KIF20B: variants seen among roughly 807,000 people sequenced by gnomAD.
KIF20B encodes the protein kinesin family member 20B.
Under a neutral mutation model 232.5 loss-of-function variants are expected in KIF20B, and 188 were observed. The observed-to-expected ratio is 0.81, with a 90% CI of 0.72 to 0.91. The LOEUF (loss-of-function observed/expected upper bound fraction) is 0.91, where lower values mean the gene tolerates loss of function less well. KIF20B is among the 40% of genes least tolerant of loss of function. The pLI is 0.00. For synonymous variants in KIF20B, 712 were observed against 683.0 expected, an observed-to-expected ratio of 1.04 and a Z score of -0.66; for missense variants, 2,154 against 2,055.9, an observed-to-expected ratio of 1.05 and a Z score of -0.92.
intron 30 of KIF20B, 63 bp downstream of exon 30, chr10:89,768,454 T>C: frequency 1.0e-6 from 1 of 1,003,320 alleles, no homozygotes; most frequent in Non-Finnish European, 1.5e-6. Flanking sequence ...TGTTCAATTA[T>C]AACTCATTTA....
In KIF20B at chr10:89,747,407, A is replaced by T. The variant is rs1194588348; in HGVS notation, c.4096+1448A>T. 2.0e-5 allele frequency among the ~76,000 whole-genome samples: 3 copies of T among 152,042 alleles called. No homozygotes were observed. In the East Asian group the frequency reaches 5.8e-4, roughly 29 times the overall value. On this transcript the variant is annotated intron_variant, in intron 23 of 32. Transcript: ENST00000371728. ...CTGGGTGTATACCCAAAGGACTATA[A>T]ATCATGCTGCTATAAAGACACATGC...
At chr10:89,722,773 G>A (rs1843093655) in intron 13 of KIF20B, among the ~76,000 whole-genome samples, 2 of 152,226 alleles carry the variant, frequency 1.3e-5, no homozygotes, top group South Asian at 4.1e-4. Context: ...CAGAAAGTAT[G>A]TAGTTTAAAA....
intron 29 of KIF20B, among the ~76,000 whole-genome samples, chr10:89,767,394 A>T (rs1270654110): frequency 6.9e-6 from 1 of 144,052 alleles, no homozygotes; most frequent in Non-Finnish European, 1.5e-5. Context: ...CTCCTTACTG[A>T]CCACTATGTG....
rs376238817 is a variant in KIF20B at position 89,747,695 on chromosome 10, A to G, written c.4096+1736A>G. On this transcript the variant is annotated intron_variant, in intron 23 of 32. Transcript: ENST00000371728. ...GGTGGGAATTGAACAATGAGAGCAC[A>G]TGGACACAGGAAGGGGAACATCACA... Among the ~76,000 whole-genome samples the G allele has an allele frequency of 3.1e-3, 467 of 150,060 alleles. 4 individuals are homozygous for G. The highest frequency in any genetic ancestry group is 0.01 in the African/African-American group (425 of 41,064).
intron 16 of KIF20B, among the ~76,000 whole-genome samples, chr10:89,726,944 C>T (rs750436803): frequency 1.9e-4 from 29 of 151,820 alleles, no homozygotes; most frequent in Non-Finnish European, 1.0e-4. Context: ...TACTTGGGAC[C>T]ACAAGTGTGC....
rs1026349230 is a variant in KIF20B, at chr10:89,738,299, C to A, written c.3458C>A (p.Thr1153Lys). ...VEGKRALSELTQGVTCYKAKI... is the reference protein window; with the variant it reads ...VEGKRALSELKQGVTCYKAKI... The stretch of plus-strand genomic sequence containing the variant: ...GGAAAGAGAGCGCTTTCAGAACTTA[C>A]ACAAGGTGTTACTTGCTATAAGGCA... The change falls in exon 20 of 33, where the codon ACA (threonine) becomes AAA (lysine). Residue 1153 changes from threonine to lysine, a missense_variant. By Grantham distance (78) the Thr-to-Lys change is moderately conservative. Coordinates refer to ENST00000371728, the MANE Select transcript of KIF20B (RefSeq NM_001284259.2). 3 of 1,611,898 alleles carry A rather than the reference C, an allele frequency of 1.9e-6. No individual in the cohort carries two copies. The highest frequency in any genetic ancestry group is 2.5e-6 in the Non-Finnish European group (3 of 1,179,312).
Position 89,751,320 on chromosome 10 carries a change from C to T in KIF20B, c.4097-26C>T. 3.2e-6 allele frequency: 5 copies of T among 1,566,212 alleles called. No individual in the cohort carries two copies. The South Asian group carries it at 6.1e-5, about 19-fold the overall frequency. On this transcript the variant is annotated intron_variant, in intron 23 of 32. Transcript: ENST00000371728. The stretch of plus-strand genomic sequence containing the variant: ...TTGGATATCTAGAGGCTATTAATTT[C>T]TAAAATGTTCTCCCCCGATTTTTAG...
Position 89,719,555 on chromosome 10 carries a change from ATAGTC to A in KIF20B, c.1575_1579del (p.Ser525ArgfsTer11). 1.2e-6 allele frequency: 2 copies of A among 1,613,550 alleles called. No homozygotes were observed. Among genetic ancestry groups the A allele is most frequent in the Non-Finnish European group, 8.5e-7 (1 of 1,179,668 alleles). On this transcript the variant is annotated frameshift_variant, in exon 13 of 33. Coordinates refer to ENST00000371728, the MANE Select transcript of KIF20B (RefSeq NM_001284259.2). LOFTEE classifies it high-confidence loss of function. ...AAAAGAGCCACCATTTCATGGGAAA[ATAGTC>A]TAGAAGATTTGATGGAAGACGAGGA...
intron 26 of KIF20B, among the ~76,000 whole-genome samples, chr10:89,757,153 C>G (rs970147246): frequency 6.6e-6 from 1 of 150,388 alleles, no homozygotes; most frequent in Non-Finnish European, 1.5e-5. Flanking sequence ...AGCAGTTGTA[C>G]CCATTTATAC....
intron 23 of KIF20B, among the ~76,000 whole-genome samples, chr10:89,749,506 A>T (rs937902249): frequency 2.6e-5 from 4 of 152,178 alleles, no homozygotes; most frequent in Admixed American, 6.6e-5. Flanking sequence ...ACGTAAAGTG[A>T]CAAGTGAACA....
intron 26 of KIF20B, among the ~76,000 whole-genome samples, chr10:89,755,979 T>C (rs1842111964): frequency 6.6e-6 from 1 of 152,186 alleles, no homozygotes; most frequent in African/African-American, 2.4e-5. Context: ...GCTTTTAACA[T>C]TGAATATTGA....
intron 13 of KIF20B, 141 bp downstream of exon 13, chr10:89,719,847 A>AT: frequency 1.6e-6 from 1 of 645,004 alleles, no homozygotes; most frequent in Admixed American, 3.1e-5. Context: ...AAAATTTCAA[A>AT]CCTATAGAAA....
chr10:89,713,822 C>T (rs1463621263), intron 6 of KIF20B, among the ~76,000 whole-genome samples: 1 of 152,020 alleles, frequency 6.6e-6, no homozygotes, highest in South Asian at 2.1e-4. Context: ...TAATAGTAAC[C>T]AACCAGAGTG....
intron 18 of KIF20B, among the ~76,000 whole-genome samples, chr10:89,731,115 G>A (rs1843308572): frequency 2.0e-5 from 3 of 152,088 alleles, no homozygotes; most frequent in Admixed American, 2.0e-4. Context: ...CATGCTTTTT[G>A]CTCTCATCTC....
chr10:89,738,568 CTTCAA>C lies in KIF20B; in HGVS notation c.3730_3734del (p.Gln1244LysfsTer42). On this transcript the variant is annotated frameshift_variant, in exon 20 of 33. Transcript: ENST00000371728. LOFTEE classifies it high-confidence loss of function. The stretch of plus-strand genomic sequence containing the variant: ...TAATTTGCAAGATATGAAACATTTA[CTTCAA>C]TTAAAAGAAGAAGAAGAAGAAACCA... 1 of 1,568,032 alleles carries C rather than the reference CTTCAA, an allele frequency of 6.4e-7. No individual in the cohort carries two copies. The highest frequency in any genetic ancestry group is 8.6e-7 in the Non-Finnish European group (1 of 1,162,046).
intron 11 of KIF20B, 25 bp from the exon 12 acceptor site, chr10:89,718,685 T>C: frequency 1.3e-6 from 2 of 1,582,074 alleles, no homozygotes; most frequent in Non-Finnish European, 1.7e-6. Context: ...TAACTTACAA[T>C]GTTTTCTGAA....
rs1319273122 is a variant in KIF20B at position 89,738,689 on chromosome 10, TTAGA to T, written c.3776+76_3776+79del. On this transcript the variant is annotated intron_variant, in intron 20 of 32. Coordinates refer to ENST00000371728, the MANE Select transcript of KIF20B (RefSeq NM_001284259.2). Reference sequence around the variant, plus strand: ...ATTTTGCTATGCAGCTTTAAAAAAGTTAGATAGTCATACTTAATCTGGTAAAGCG... The same window carrying T: ...ATTTTGCTATGCAGCTTTAAAAAAGTTAGTCATACTTAATCTGGTAAAGCG... The T allele has an allele frequency of 2.3e-5, 34 of 1,458,008 alleles. No homozygotes were observed. In the African/African-American group the frequency reaches 4.0e-4, roughly 17 times the overall value. 90.3% of individuals were successfully genotyped at this position (1,458,008 alleles called of 1,614,324 possible).
chr10:89,703,897 C>G (rs1385872020), intron 1 of KIF20B, among the ~76,000 whole-genome samples: 1 of 151,820 alleles, frequency 6.6e-6, no homozygotes, highest in African/African-American at 2.4e-5. Flanking sequence ...GGACTACAGG[C>G]GCATGCCACC....
At chr10:89,762,519 G>T in intron 28 of KIF20B, 119 bp from the exon 29 acceptor site, 1 of 685,002 alleles carries the variant, frequency 1.5e-6, no homozygotes. Context: ...CTGTGATCTA[G>T]CACGCTTTTT....
Sources: allele counts gnomAD v4.1 joint callset (sites outside exome capture counted in the v4.1 genomes callset), GRCh38; gene constraint gnomAD v4.1.1; transcripts MANE v1.5; gene names NCBI Gene and HGNC (gene_info 2026-07-23, HGNC 2026-07-21).